ARPP21: variants seen among roughly 807,000 people sequenced by gnomAD.
ARPP21 encodes cAMP-regulated phosphoprotein 21.
A neutral mutation model predicts 113.2 loss-of-function variants in ARPP21; 69 were observed. The observed-to-expected ratio is 0.61, with a 90% confidence interval of 0.50 to 0.74. The LOEUF is 0.74. Ranked by LOEUF, ARPP21 falls within the 30% of genes least tolerant of loss-of-function variation. The pLI, the probability that ARPP21 is intolerant of heterozygous loss-of-function variation, is 0.00. For synonymous variants in ARPP21, 368 were observed against 375.5 expected (o/e 0.98, Z 0.23); for missense variants, 1,070 against 1,037.4 (o/e 1.03, Z -0.43).
chr3:35,759,676 C>CTGTGTGTG (rs57456659), intron 19 of ARPP21, among the ~76,000 whole-genome samples: 2,847 of 140,850 alleles, frequency 0.02, 90 homozygotes, highest in African/African-American at 0.069. Context: ...TTTTCTCTCT[C>CTGTGTGTG]TGTGTGTGTG....
At chr3:35,679,276 T>TA (rs1188387965) in intron 1 of ARPP21, among the ~76,000 whole-genome samples, 1 of 151,964 alleles carries the variant, frequency 6.6e-6, no homozygotes, top group Non-Finnish European at 1.5e-5. Flanking sequence ...TTCTTTTTTT[T>TA]AACTTTTATA....
At chr3:35,686,837 T>G (rs1435800872) in intron 5 of ARPP21, among the ~76,000 whole-genome samples, 1 of 151,560 alleles carries the variant, frequency 6.6e-6, no homozygotes, top group African/African-American at 2.4e-5. Flanking sequence ...CTCATTCTTC[T>G]TCAAAACAGT....
chr3:35,741,181 T>C (rs2094634740), intron 18 of ARPP21, among the ~76,000 whole-genome samples: 1 of 152,206 alleles, frequency 6.6e-6, no homozygotes, highest in East Asian at 1.9e-4. Context: ...ATTTCAATAT[T>C]AATCCACTGC....
intron 1 of ARPP21, among the ~76,000 whole-genome samples, chr3:35,666,292 A>C (rs9870519): frequency 0.06 from 9,124 of 152,122 alleles, 441 homozygotes; most frequent in African/African-American, 0.13. Context: ...GAGGGAAGCA[A>C]GCTTAGAACA....
chr3:35,756,928 T>C (rs537585936), intron 19 of ARPP21, among the ~76,000 whole-genome samples: 2 of 152,268 alleles, frequency 1.3e-5, no homozygotes, highest in African/African-American at 2.4e-5. Flanking sequence ...CAAGTAGGTT[T>C]GCATTAATTT....
upstream of ARPP21, among the ~76,000 whole-genome samples, chr3:35,639,234 G>A (rs1170198536): frequency 6.6e-6 from 1 of 152,030 alleles, no homozygotes; most frequent in African/African-American, 2.4e-5. The surrounding 1 kb of genome is among the most constrained non-coding windows in gnomAD (Gnocchi z 5.0). Context: ...GTGGTACCGC[G>A]GGCGCCCGGC....
At chr3:35,786,298 C>A (rs1210735623) in intron 19 of ARPP21, among the ~76,000 whole-genome samples, 1 of 152,076 alleles carries the variant, frequency 6.6e-6, no homozygotes, top group Non-Finnish European at 1.5e-5. Context: ...CCAAGACAGG[C>A]AGATCATGAG....
chr3:35,699,663 A>T (rs935278617), intron 9 of ARPP21, among the ~76,000 whole-genome samples: 27 of 151,648 alleles, frequency 1.8e-4, no homozygotes, highest in African/African-American at 4.6e-4. Flanking sequence ...AAATGAAAAA[A>T]ATATATATAG....
intron 11 of ARPP21, 52 bp from the exon 12 acceptor site, chr3:35,715,387 T>TC: frequency 2.7e-6 from 4 of 1,480,258 alleles, no homozygotes; most frequent in Non-Finnish European, 3.8e-6. Flanking sequence ...GTATTTGGGA[T>TC]CCCTCAGCAT....
intron 15 of ARPP21, among the ~76,000 whole-genome samples, chr3:35,733,054 AAAT>A (rs1390028478): frequency 2.6e-5 from 4 of 152,150 alleles, no homozygotes; most frequent in African/African-American, 4.8e-5. Context: ...CTCTCTTTTT[AAAT>A]AATTACCTTT....
At chr3:35,787,371 C>T (rs1213413726) in intron 19 of ARPP21, among the ~76,000 whole-genome samples, 2 of 152,066 alleles carry the variant, frequency 1.3e-5, no homozygotes, top group Admixed American at 6.6e-5. Flanking sequence ...AAGATTATTT[C>T]GAGAAAACAA....
At chr3:35,766,238 C>T (rs2095971583) in intron 19 of ARPP21, among the ~76,000 whole-genome samples, 1 of 152,156 alleles carries the variant, frequency 6.6e-6, no homozygotes, top group South Asian at 2.1e-4. Context: ...AATACAGCCA[C>T]ATGGCTCTCC....
chr3:35,793,493 G>A (rs1200347573), intron 20 of ARPP21, among the ~76,000 whole-genome samples: 1 of 152,202 alleles, frequency 6.6e-6, no homozygotes, highest in African/African-American at 2.4e-5. Flanking sequence ...GTACTTTGAA[G>A]CATGTATGTC....
chr3:35,707,496 G>A (rs1171551575), intron 10 of ARPP21: 2 of 461,994 alleles, frequency 4.3e-6, no homozygotes, highest in Admixed American at 2.3e-5. Context: ...TATCAATACG[G>A]ACCGATGATC....
chr3:35,691,687 T>C (rs1432970847), intron 9 of ARPP21, among the ~76,000 whole-genome samples: 1 of 151,632 alleles, frequency 6.6e-6, no homozygotes, highest in Non-Finnish European at 1.5e-5. Flanking sequence ...ACCAAAAGCA[T>C]AATAACATGA....
chr3:35,645,889 T>G (rs1413265049), intron 1 of ARPP21, among the ~76,000 whole-genome samples: 1 of 152,020 alleles, frequency 6.6e-6, no homozygotes, highest in Non-Finnish European at 1.5e-5. Context: ...TTATCCATGT[T>G]GATATATTTT....
intron 9 of ARPP21, among the ~76,000 whole-genome samples, chr3:35,695,211 A>T (rs1442863084): frequency 6.6e-6 from 1 of 151,532 alleles, no homozygotes; most frequent in Non-Finnish European, 1.5e-5. Flanking sequence ...AGATGGAAAG[A>T]TAGTTGAAGT....
chr3:35,788,634 T>C (rs1205943050), intron 19 of ARPP21, among the ~76,000 whole-genome samples: 3 of 152,214 alleles, frequency 2.0e-5, no homozygotes, highest in African/African-American at 7.2e-5. Context: ...TGTCATTTCA[T>C]TCATTTCCAA....
intron 11 of ARPP21, among the ~76,000 whole-genome samples, chr3:35,713,203 ATT>A (rs2091690154): frequency 6.6e-6 from 1 of 151,608 alleles, no homozygotes; most frequent in Non-Finnish European, 1.5e-5. Flanking sequence ...TACTGTGACA[ATT>A]TTATCTTTCT....
Sources: gnomAD v4.1 joint callset for allele counts (sites outside exome capture counted in the v4.1 genomes callset) on GRCh38, gnomAD v4.1.1 for gene constraint, Gnocchi (gnomAD v3.1) non-coding constraint, MANE v1.5 for transcripts, NCBI Gene and HGNC (gene_info 2026-07-23, HGNC 2026-07-21) for gene names.